The following SYNJ2BP variants were observed in gnomAD, a reference collection of about 807,000 sequenced individuals.
SYNJ2BP encodes the protein synaptojanin 2 binding protein, also known as synaptojanin-2-binding protein.
In SYNJ2BP, 10 loss-of-function variants were observed where a neutral mutation model predicts 16.9. The observed-to-expected ratio is 0.59, with a 90% confidence interval of 0.36 to 1.00. SYNJ2BP has a LOEUF of 1.00. Ranked by LOEUF, SYNJ2BP falls within the 50% of genes least tolerant of loss-of-function variation. The probability of loss-of-function intolerance (pLI) is 0.01; values close to 1 mark genes in which losing one functional copy is unlikely to be tolerated. For missense variants in SYNJ2BP, 162 were observed against 186.7 expected, an observed-to-expected ratio of 0.87 and a Z score of 0.77; for synonymous variants, 54 against 68.4, an observed-to-expected ratio of 0.79 and a Z score of 1.04.
rs1333188486 is a variant in SYNJ2BP, at chr14:70,369,263, G to A, written c.*3728C>T. 1 of 152,018 alleles carries A rather than the reference G, an allele frequency of 6.6e-6. No homozygotes were observed. The highest frequency in any genetic ancestry group is 1.5e-5 in the Non-Finnish European group (1 of 68,010). The allele number at this position is 152,018 out of a possible 1,614,324, so 9.4% of individuals were successfully genotyped here. A position where few individuals can be genotyped will look rare whatever the true frequency, so the allele number is the denominator to read the frequency against. On this transcript the variant is annotated 3_prime_UTR_variant, in exon 4 of 4. Coordinates refer to ENST00000256366, the MANE Select transcript of SYNJ2BP (RefSeq NM_018373.3). ...GCCTACAGGAATGCACCACTAATTT[G>A]TTTGACTTTTAGTAAAGACAGGGTT...
At position 70,397,889 on chromosome 14, in the gene SYNJ2BP, G is replaced by A. The variant is rs184071464; in HGVS notation, c.65-9283C>T. 2.1e-4 allele frequency among the ~76,000 whole-genome samples: 16 copies of A among 75,434 alleles called. No individual in the cohort carries two copies. In the East Asian group the frequency reaches 2.9e-3, roughly 14 times the overall value. 49.5% of individuals were successfully genotyped at this position (75,434 alleles called of 152,430 possible). A position where few individuals can be genotyped will look rare whatever the true frequency, so the allele number is the denominator to read the frequency against. On this transcript the variant is annotated intron_variant, in intron 1 of 3. Transcript: ENST00000256366. Reference sequence around the variant, plus strand: ...ACAAGTGGAGTGTCAGCAAGTCAAAGAGGAGCTTTACTGAGTGACAGAACA... The same window carrying A: ...ACAAGTGGAGTGTCAGCAAGTCAAAAAGGAGCTTTACTGAGTGACAGAACA...
intron 2 of SYNJ2BP, among the ~76,000 whole-genome samples, chr14:70,380,459 C>G (rs758020512): frequency 6.6e-6 from 1 of 151,888 alleles, no homozygotes; most frequent in Non-Finnish European, 1.5e-5. Context: ...GTCAGGAGTT[C>G]GAGACCACCC....
chr14:70,393,238 G>A (rs1459139185), intron 1 of SYNJ2BP, among the ~76,000 whole-genome samples: 1 of 152,162 alleles, frequency 6.6e-6, no homozygotes, highest in East Asian at 1.9e-4. Context: ...TTAGAGAAAT[G>A]CAAATCAAAA....
intron 1 of SYNJ2BP, among the ~76,000 whole-genome samples, chr14:70,400,761 A>C (rs950485155): frequency 6.6e-6 from 1 of 152,216 alleles, no homozygotes; most frequent in Non-Finnish European, 1.5e-5. Flanking sequence ...CAGTAGTCTC[A>C]ATTACATGTT....
intron 1 of SYNJ2BP, among the ~76,000 whole-genome samples, chr14:70,399,499 G>C (rs1888186044): frequency 6.6e-6 from 1 of 152,220 alleles, no homozygotes; most frequent in Non-Finnish European, 1.5e-5. Context: ...CCGGACCTGG[G>C]GATGGGTCCT....
chr14:70,407,668 T>C (rs1221347354), intron 1 of SYNJ2BP, among the ~76,000 whole-genome samples: 1 of 151,650 alleles, frequency 6.6e-6, no homozygotes. Context: ...AAAAAAAACA[T>C]AGAAGATGAA....
chr14:70,387,067 G>T, intron 2 of SYNJ2BP, among the ~76,000 whole-genome samples: 1 of 152,052 alleles, frequency 6.6e-6, no homozygotes, highest in Non-Finnish European at 1.5e-5. Flanking sequence ...GGGCTCCGAA[G>T]CCCTATCCTA....
At chr14:70,389,373 C>CTTTTT (rs752623860) in intron 1 of SYNJ2BP, among the ~76,000 whole-genome samples, 1 of 94,962 alleles carries the variant, frequency 1.1e-5, no homozygotes, top group African/African-American at 3.2e-5. Context: ...TTGAGAGTTT[C>CTTTTT]TTTTTTTTTT....
chr14:70,411,989 T>C (rs1888482511), intron 1 of SYNJ2BP, among the ~76,000 whole-genome samples: 1 of 152,212 alleles, frequency 6.6e-6, no homozygotes, highest in Admixed American at 6.5e-5. Flanking sequence ...CTATTTGATA[T>C]GTGAAGAAAG....
At chr14:70,410,041 C>G (rs921629402) in intron 1 of SYNJ2BP, among the ~76,000 whole-genome samples, 4 of 151,934 alleles carry the variant, frequency 2.6e-5, no homozygotes, top group African/African-American at 9.7e-5. Context: ...CCACCTGAGC[C>G]CAAGAGGTCG....
At chr14:70,382,696 T>C (rs879007100) in intron 2 of SYNJ2BP, among the ~76,000 whole-genome samples, 5 of 152,238 alleles carry the variant, frequency 3.3e-5, no homozygotes, top group Admixed American at 1.3e-4. Context: ...ACCTAAGATA[T>C]GGCAGATTTG....
intron 3 of SYNJ2BP, among the ~76,000 whole-genome samples, chr14:70,373,981 T>C (rs1332990856): frequency 6.6e-6 from 1 of 152,236 alleles, no homozygotes; most frequent in Non-Finnish European, 1.5e-5. Flanking sequence ...AATACCATTA[T>C]ACCCTCTATT....
chr14:70,371,129 A>G lies in SYNJ2BP; in HGVS notation c.*1862T>C, dbSNP rs926536454. 3 of 152,228 alleles carry G rather than the reference A, an allele frequency of 2.0e-5. No individual in the cohort carries two copies. Among genetic ancestry groups the G allele is most frequent in the African/African-American group, 4.8e-5 (2 of 41,464 alleles). The allele number at this position is 152,228 out of a possible 1,614,324, so 9.4% of individuals were successfully genotyped here. A position where few individuals can be genotyped will look rare whatever the true frequency, so the allele number is the denominator to read the frequency against. ...ATAAAAGGCCTATAGTATGGCCAATATATTTGGCTAATGGAAATGATTTTC... is the reference window on the plus strand; with the variant it reads ...ATAAAAGGCCTATAGTATGGCCAATGTATTTGGCTAATGGAAATGATTTTC... On this transcript the variant is annotated 3_prime_UTR_variant, in exon 4 of 4. Transcript: ENST00000256366.
intron 2 of SYNJ2BP, among the ~76,000 whole-genome samples, chr14:70,385,548 AT>A (rs1164659803): frequency 1.9e-3 from 268 of 141,602 alleles, no homozygotes; most frequent in Middle Eastern, 7.1e-3. Flanking sequence ...AATTTTTTGT[AT>A]TTTTTTTTTT....
intron 2 of SYNJ2BP, among the ~76,000 whole-genome samples, chr14:70,382,396 C>T (rs80023564): frequency 0.054 from 8,213 of 152,230 alleles, 290 homozygotes; most frequent in Middle Eastern, 0.11. Context: ...AAATGTATGT[C>T]ATTCCTGTTA....
intron 1 of SYNJ2BP, among the ~76,000 whole-genome samples, chr14:70,389,143 T>C (rs777070956): frequency 1.4e-4 from 22 of 152,124 alleles, no homozygotes; most frequent in African/African-American, 5.3e-4. Context: ...TTAGTTTTGA[T>C]CCTGTTGATG....
At chr14:70,399,457 A>G (rs993828431) in intron 1 of SYNJ2BP, among the ~76,000 whole-genome samples, 1 of 152,160 alleles carries the variant, frequency 6.6e-6, no homozygotes, top group Non-Finnish European at 1.5e-5. Context: ...AAGAGAGGCA[A>G]TGCAGGGCCA....
chr14:70,415,970 A>G (rs557453266), intron 1 of SYNJ2BP, among the ~76,000 whole-genome samples: 1 of 152,356 alleles, frequency 6.6e-6, no homozygotes, highest in African/African-American at 2.4e-5. Flanking sequence ...TCCCCATTTT[A>G]GAGATGATAA....
chr14:70,407,899 C>T (rs994603290), intron 1 of SYNJ2BP, among the ~76,000 whole-genome samples: 2 of 152,130 alleles, frequency 1.3e-5, no homozygotes, highest in Non-Finnish European at 2.9e-5. Context: ...TTGCAATATT[C>T]GTTCCTAGAA....
Sources: allele counts gnomAD v4.1 joint callset (sites outside exome capture counted in the v4.1 genomes callset), GRCh38; gene constraint gnomAD v4.1.1; transcripts MANE v1.5; gene names NCBI Gene and HGNC (gene_info 2026-07-23, HGNC 2026-07-21).